Variants in ADARB2 observed in about 807,000 individuals in gnomAD.
ADARB2 encodes the protein adenosine deaminase RNA specific B2 (inactive), also known as inactive double-stranded RNA-specific editase B2.
ADARB2 carries 25 observed loss-of-function variants against 62.2 expected under a neutral mutation model. That is an observed-to-expected ratio of 0.40 (90% CI 0.29 to 0.56). The LOEUF is 0.56. Among genes scored for constraint, ADARB2 ranks in the 20% least tolerant of loss-of-function variants. The pLI, the probability that ADARB2 is intolerant of heterozygous loss-of-function variation, is 0.43. For missense variants in ADARB2, 1,071 were observed against 1,077.4 expected (o/e 0.99, Z 0.08); for synonymous variants, 572 against 500.8 (o/e 1.14, Z -1.90).
intron 6 of ADARB2, among the ~76,000 whole-genome samples, chr10:1,226,824 G>C (rs182189524): frequency 1.5e-4 from 23 of 149,556 alleles, no homozygotes; most frequent in African/African-American, 5.2e-4. Context: ...GCCTCTATTG[G>C]GGGGGTGCCT....
intron 2 of ADARB2, among the ~76,000 whole-genome samples, chr10:1,364,761 C>G (rs909571531): frequency 6.6e-6 from 1 of 152,096 alleles, no homozygotes; most frequent in African/African-American, 2.4e-5. Context: ...TCCCAGGTAT[C>G]GTGTTATTCA....
At chr10:1,276,218 G>A (rs1423756549) in intron 3 of ADARB2, among the ~76,000 whole-genome samples, 56 of 152,298 alleles carry the variant, frequency 3.7e-4, no homozygotes, top group Non-Finnish European at 6.6e-4. Flanking sequence ...GTGAGATGGT[G>A]TCTCATTGTG....
chr10:1,428,339 T>G (rs557373106), intron 1 of ADARB2, among the ~76,000 whole-genome samples: 73 of 149,542 alleles, frequency 4.9e-4, no homozygotes, highest in Non-Finnish European at 9.0e-4. Context: ...CAGGCTGGAG[T>G]GCAGTGGTGC....
chr10:1,353,295 A>G (rs912768073), intron 3 of ADARB2, among the ~76,000 whole-genome samples: 1 of 152,086 alleles, frequency 6.6e-6, no homozygotes, highest in East Asian at 1.9e-4. Flanking sequence ...TCTCCACCAC[A>G]CTATCAACCT....
At position 1,352,521 on chromosome 10, in the gene ADARB2, G is replaced by A. The variant is rs1315712613; in HGVS notation, c.1077+10507C>T. On this transcript the variant is annotated intron_variant, in intron 3 of 9. Transcript: ENST00000381312. Reference sequence around the variant, plus strand: ...ATTCTTACACAAGAGCCAGGACCGCGTCCTGTAGCCTTTCTGTCCAAACAA... The same window carrying A: ...ATTCTTACACAAGAGCCAGGACCGCATCCTGTAGCCTTTCTGTCCAAACAA... 5.9e-5 allele frequency among the ~76,000 whole-genome samples: 9 copies of A among 152,098 alleles called. 1 individual carries two copies. The highest frequency in any genetic ancestry group is 1.9e-4 in the East Asian group (1 of 5,190).
At chr10:1,273,845 C>A (rs908913076) in intron 3 of ADARB2, among the ~76,000 whole-genome samples, 2 of 152,214 alleles carry the variant, frequency 1.3e-5, no homozygotes, top group East Asian at 1.9e-4. Context: ...CCAGGGAAAG[C>A]ATCCGGGCAC....
At chr10:1,652,454 G>A (rs1348142806) in intron 1 of ADARB2, among the ~76,000 whole-genome samples, 4 of 152,106 alleles carry the variant, frequency 2.6e-5, no homozygotes, top group South Asian at 2.1e-4. Flanking sequence ...TCCAGAGCTC[G>A]GGGCTCACCT....
intron 1 of ADARB2, among the ~76,000 whole-genome samples, chr10:1,698,630 G>C (rs1231354893): frequency 6.6e-6 from 1 of 152,116 alleles, no homozygotes; most frequent in Non-Finnish European, 1.5e-5. Context: ...TTCTAATGTT[G>C]GAAAAAGGCA....
chr10:1,655,221 G>C (rs984246399), intron 1 of ADARB2, among the ~76,000 whole-genome samples: 11 of 152,214 alleles, frequency 7.2e-5, no homozygotes, highest in Admixed American at 3.3e-4. Flanking sequence ...ACAGTTCATT[G>C]TCCTGGACAA....
chr10:1,601,544 T>A (rs758378048), intron 1 of ADARB2, among the ~76,000 whole-genome samples: 4 of 152,228 alleles, frequency 2.6e-5, no homozygotes, highest in Non-Finnish European at 4.4e-5. Flanking sequence ...AGAGCTGGCC[T>A]CACAGGAAAA....
At chr10:1,331,281 C>T (rs896947333) in intron 3 of ADARB2, among the ~76,000 whole-genome samples, 1 of 152,216 alleles carries the variant, frequency 6.6e-6, no homozygotes, top group Non-Finnish European at 1.5e-5. Context: ...AAACATATAT[C>T]TACATAAAAC....
intron 3 of ADARB2, among the ~76,000 whole-genome samples, chr10:1,347,442 C>A (rs547760465): frequency 2.0e-5 from 3 of 152,318 alleles, no homozygotes; most frequent in African/African-American, 7.2e-5. Flanking sequence ...AACCAGGGCA[C>A]GGGTACTTGG....
chr10:1,713,123 G>C (rs1192244043), intron 1 of ADARB2, among the ~76,000 whole-genome samples: 1 of 152,224 alleles, frequency 6.6e-6, no homozygotes, highest in Admixed American at 6.5e-5. Context: ...GATGGAGGCT[G>C]CAGACATGGG....
At chr10:1,618,219 A>G (rs1833666088) in intron 1 of ADARB2, among the ~76,000 whole-genome samples, 1 of 152,136 alleles carries the variant, frequency 6.6e-6, no homozygotes, top group Non-Finnish European at 1.5e-5. Context: ...TTGTTTATGA[A>G]CTTTTCTTAT....
intron 1 of ADARB2, among the ~76,000 whole-genome samples, chr10:1,473,852 G>A (rs1303905695): frequency 6.6e-6 from 1 of 152,182 alleles, no homozygotes; most frequent in Non-Finnish European, 1.5e-5. Flanking sequence ...GATGGAAAGT[G>A]TAAGAAGAGA....
intron 3 of ADARB2, among the ~76,000 whole-genome samples, chr10:1,353,088 C>T (rs897157515): frequency 1.3e-5 from 2 of 152,320 alleles, no homozygotes; most frequent in South Asian, 4.1e-4. Context: ...TTCTACTACT[C>T]CTCAGGGATT....
chr10:1,310,995 C>T (rs2131822734), intron 3 of ADARB2, among the ~76,000 whole-genome samples: 1 of 152,282 alleles, frequency 6.6e-6, no homozygotes, highest in South Asian at 2.1e-4. Flanking sequence ...ATGATGTTGC[C>T]ACTGGTCTGC....
intron 7 of ADARB2, chr10:1,200,504 A>T: frequency 1.1e-5 from 5 of 457,204 alleles, no homozygotes; most frequent in Non-Finnish European, 1.5e-5. Context: ...TTAGCTGGGA[A>T]ATACTATAAA....
At position 1,451,742 on chromosome 10, in the gene ADARB2, T is replaced by C. The variant is rs145397160; in HGVS notation, c.101-72582A>G. On this transcript the variant is annotated intron_variant, in intron 1 of 9. Transcript: ENST00000381312. ...GACACACCCATATGAGGAGGAAGTA[T>C]ACCCGTATGAGGAGGAAGTACACCC... Among the ~76,000 whole-genome samples the C allele has an allele frequency of 4.9e-5, 7 of 143,472 alleles. 1 individual carries two copies. In the South Asian group the frequency reaches 1.5e-3, roughly 30 times the overall value. The allele number at this position is 143,472 out of a possible 152,430, so 94.1% of individuals were successfully genotyped here.
Sources: gnomAD v4.1 joint callset for allele counts (sites outside exome capture counted in the v4.1 genomes callset) on GRCh38, gnomAD v4.1.1 for gene constraint, MANE v1.5 for transcripts, NCBI Gene and HGNC (gene_info 2026-07-23, HGNC 2026-07-21) for gene names.